The following SARAF variants were observed in gnomAD, a reference collection of about 807,000 sequenced individuals.
The protein encoded by SARAF is store-operated calcium entry associated regulatory factor, also known as store-operated calcium entry-associated regulatory factor.
SARAF carries 23 observed loss-of-function variants against 39.7 expected under a neutral mutation model. The observed-to-expected ratio is 0.58, with a 90% CI of 0.42 to 0.82. The LOEUF is 0.82. SARAF is among the 40% of genes least tolerant of loss of function. The pLI is 0.00. For missense variants in SARAF, 384 were observed against 418.5 expected, an observed-to-expected ratio of 0.92 and a Z score of 0.72; for synonymous variants, 175 against 168.5, an observed-to-expected ratio of 1.04 and a Z score of -0.30.
intron 1 of SARAF, among the ~76,000 whole-genome samples, chr8:30,074,267 A>G (rs1274522832): frequency 6.6e-6 from 1 of 152,232 alleles, no homozygotes; most frequent in Admixed American, 6.5e-5. Flanking sequence ...CCTGCATTTC[A>G]GGCCAGATGC....
rs1458798939 is a variant in SARAF at position 30,069,700 on chromosome 8, G to T, written c.642C>A (p.Tyr214Ter). Residue 214 changes from tyrosine to a stop codon, truncating the protein, a stop_gained, in exon 3 of 6, where the codon TAC (tyrosine) becomes TAA (stop). Coordinates refer to ENST00000256255, the MANE Select transcript of SARAF (RefSeq NM_016127.6). LOFTEE classifies it high-confidence loss of function. Reference protein sequence around the residue: ...YSEYPPFSHRYQRFTNSAGPP... With the variant: ...YSEYPPFSHR ...GTCCTGCTGAGTTGGTGAATCTCTG[G>T]TAACGGTGGGAAAATGGAGGATACT... 6.2e-7 allele frequency: 1 copy of T among 1,614,034 alleles called. No homozygotes were observed. The highest frequency in any genetic ancestry group is 1.3e-5 in the African/African-American group (1 of 74,896).
intron 1 of SARAF, among the ~76,000 whole-genome samples, chr8:30,076,263 T>C (rs1320606561): frequency 6.6e-6 from 1 of 152,346 alleles, no homozygotes; most frequent in Non-Finnish European, 1.5e-5. Context: ...CCCAAGTGAC[T>C]GTGTGCACTC....
rs1407245833 is a variant in SARAF, at chr8:30,070,004, C to T, written c.338G>A (p.Ser113Asn). Residue 113 changes from serine to asparagine, a missense_variant, in exon 3 of 6, where the codon AGC becomes AAC. By Grantham distance (46) the Ser-to-Asn change is conservative. Transcript: ENST00000256255. ...IAYKFGKTVVSCEGYESSEDQ... is the reference protein window; with the variant it reads ...IAYKFGKTVVNCEGYESSEDQ... The stretch of plus-strand genomic sequence containing the variant: ...TTCAGAGGACTCATAGCCTTCACAG[C>T]TCACCACAGTTTTTCCAAATTTGTA... The T allele has an allele frequency of 6.2e-7, 1 of 1,613,270 alleles. No homozygotes were observed. The highest frequency in any genetic ancestry group is 8.5e-7 in the Non-Finnish European group (1 of 1,179,892).
At chr8:30,078,697 T>A (rs896219674) in intron 1 of SARAF, among the ~76,000 whole-genome samples, 4 of 152,112 alleles carry the variant, frequency 2.6e-5, no homozygotes, top group African/African-American at 9.7e-5. Context: ...TTAAGGTCAA[T>A]ACCCTATCTA....
chr8:30,082,468 A>G (rs1321208737), intron 1 of SARAF: 1 of 177,040 alleles, frequency 5.6e-6, no homozygotes, highest in Non-Finnish European at 1.2e-5. Flanking sequence ...GGCAGCCATG[A>G]CAACAGCAGG....
intron 1 of SARAF, among the ~76,000 whole-genome samples, chr8:30,074,730 A>G (rs545650228): frequency 1.3e-5 from 2 of 152,196 alleles, no homozygotes; most frequent in Non-Finnish European, 1.5e-5. Flanking sequence ...AGAGAGAAAG[A>G]AAAGAGATTT....
intron 1 of SARAF, among the ~76,000 whole-genome samples, chr8:30,081,670 A>C (rs1188189133): frequency 1.3e-5 from 2 of 152,192 alleles, no homozygotes; most frequent in African/African-American, 4.8e-5. Flanking sequence ...TCACCAAATC[A>C]CAAAGGCAAT....
chr8:30,074,480 A>G (rs547387749), intron 1 of SARAF, among the ~76,000 whole-genome samples: 3 of 152,258 alleles, frequency 2.0e-5, no homozygotes, highest in Non-Finnish European at 4.4e-5. Context: ...TTACAGTGGA[A>G]TATTACATAG....
At chr8:30,067,041 G>T in intron 3 of SARAF, 123 bp from the exon 4 acceptor site, 1 of 1,011,362 alleles carries the variant, frequency 9.9e-7, no homozygotes, top group Non-Finnish European at 1.5e-6. Flanking sequence ...CAGGCATCAA[G>T]TTATTAACAA....
At chr8:30,074,681 G>C (rs1264400665) in intron 1 of SARAF, among the ~76,000 whole-genome samples, 1 of 152,104 alleles carries the variant, frequency 6.6e-6, no homozygotes, top group Non-Finnish European at 1.5e-5. Context: ...TGTATGGGAA[G>C]GATTTAACAC....
intron 1 of SARAF, 187 bp downstream of exon 1, chr8:30,082,660 C>G (rs923392031): frequency 1.6e-5 from 8 of 508,106 alleles, no homozygotes; most frequent in South Asian, 1.1e-4. Flanking sequence ...AGTCCCTACC[C>G]GCCTCCCAAG....
At chr8:30,078,067 G>A in intron 1 of SARAF, 1 of 247,922 alleles carries the variant, frequency 4.0e-6, no homozygotes, top group Non-Finnish European at 7.7e-6. Flanking sequence ...TTGAACCCGG[G>A]AAGCAGAGGT....
chr8:30,078,443 C>A (rs1585445830), intron 1 of SARAF, among the ~76,000 whole-genome samples: 1 of 151,954 alleles, frequency 6.6e-6, no homozygotes, highest in African/African-American at 2.4e-5. Flanking sequence ...AAAGATTCTA[C>A]AAATTGCCAG....
At position 30,082,941 on chromosome 8, in the gene SARAF, T is replaced by C. The variant is rs1426385021; in HGVS notation, c.9A>G (p.Ala3=). MA[A]ACGPGAAGYC... is the part of the protein sequence containing the mutation. Reference sequence around the variant, plus strand: ...ACCCGGCCGCTCCCGGCCCGCAGGCTGCGGCCATGGCGCTCGATGAAGATG... The same window carrying C: ...ACCCGGCCGCTCCCGGCCCGCAGGCCGCGGCCATGGCGCTCGATGAAGATG... The change falls in exon 1 of 6, where the codon GCA becomes GCG. Residue 3 remains alanine (A), a synonymous_variant. Transcript: ENST00000256255. The C allele has an allele frequency of 4.5e-6, 7 of 1,544,814 alleles. No homozygotes were observed. The African/African-American group carries it at 8.4e-5, about 18-fold the overall frequency.
At chr8:30,075,217 T>G (rs1801930412) in intron 1 of SARAF, among the ~76,000 whole-genome samples, 1 of 151,580 alleles carries the variant, frequency 6.6e-6, no homozygotes, top group Admixed American at 6.6e-5. Context: ...GGAGAATCGC[T>G]TGAACCTGGG....
chr8:30,083,033 A>G lies in SARAF; in HGVS notation c.-84T>C, dbSNP rs1802147772. ...GTAGCGCGCGCGACGCTGCGCAGCTACACCGCTACCCCTGGCGGCGGCGAA... is the reference window on the plus strand; with the variant it reads ...GTAGCGCGCGCGACGCTGCGCAGCTGCACCGCTACCCCTGGCGGCGGCGAA... On this transcript the variant is annotated 5_prime_UTR_variant, in exon 1 of 6. Transcript: ENST00000256255. 7.7e-6 allele frequency: 8 copies of G among 1,037,808 alleles called. No homozygotes were observed. In the East Asian group the frequency reaches 1.8e-4, roughly 24 times the overall value. The allele number at this position is 1,037,808 out of a possible 1,614,324, so 64.3% of individuals were successfully genotyped here.
chr8:30,082,282 G>C (rs1485927793), intron 1 of SARAF: 1 of 152,204 alleles, frequency 6.6e-6, no homozygotes, highest in Non-Finnish European at 1.5e-5. Flanking sequence ...AGGTTGCAGT[G>C]AGCCGAGATC....
chr8:30,075,841 C>T (rs59152477), intron 1 of SARAF, among the ~76,000 whole-genome samples: 1,813 of 151,460 alleles, frequency 0.012, 43 homozygotes, highest in African/African-American at 0.042. Context: ...TCAGGTAAAA[C>T]GAAAGAGGAG....
chr8:30,080,888 C>T (rs1802082740), intron 1 of SARAF, among the ~76,000 whole-genome samples: 1 of 152,142 alleles, frequency 6.6e-6, no homozygotes, highest in Non-Finnish European at 1.5e-5. Flanking sequence ...GCCTGTAATC[C>T]CAGCACTTTG....
Sources: gnomAD v4.1 joint callset for allele counts (sites outside exome capture counted in the v4.1 genomes callset) on GRCh38, gnomAD v4.1.1 for gene constraint, MANE v1.5 for transcripts, NCBI Gene and HGNC (gene_info 2026-07-23, HGNC 2026-07-21) for gene names.